Variants in BTBD2 observed in about 807,000 individuals in gnomAD.
BTBD2 encodes BTB/POZ domain-containing protein 2.
In BTBD2, 15 loss-of-function variants were observed where a neutral mutation model predicts 44.0. That is an observed-to-expected ratio of 0.34 (90% confidence interval 0.23 to 0.53). The LOEUF (loss-of-function observed/expected upper bound fraction) is 0.53. BTBD2 is among the 20% of genes least tolerant of loss of function. The probability of loss-of-function intolerance (pLI) is 0.95; values close to 1 mark genes in which losing one functional copy is unlikely to be tolerated. For missense variants in BTBD2, 657 were observed against 746.4 expected, an observed-to-expected ratio of 0.88 and a Z score of 1.39; for synonymous variants, 443 against 335.9, an observed-to-expected ratio of 1.32 and a Z score of -3.49.
chr19:1,992,970 G>GCC, intron 3 of BTBD2, 50 bp downstream of exon 3: 1 of 231,588 alleles, frequency 4.3e-6, no homozygotes. Flanking sequence ...CCCCGGCCCC[G>GCC]CCTCCAGCCA....
intron 1 of BTBD2, among the ~76,000 whole-genome samples, chr19:2,005,807 T>A (rs1482874578): frequency 6.6e-6 from 1 of 150,876 alleles, no homozygotes; most frequent in Non-Finnish European, 1.5e-5. Flanking sequence ...AATTATTTTT[T>A]AGCCAAAGCA....
chr19:1,990,452 C>T lies in BTBD2; in HGVS notation c.791-251G>A, dbSNP rs140719538. 1,261 of 611,882 alleles carry T rather than the reference C, an allele frequency of 2.1e-3. 6 individuals are homozygous for T. Among genetic ancestry groups the T allele is most frequent in the Non-Finnish European group, 2.3e-3 (796 of 348,328 alleles). The allele number at this position is 611,882 out of a possible 1,614,324, so 37.9% of individuals were successfully genotyped here. On this transcript the variant is annotated intron_variant, in intron 4 of 8. Transcript: ENST00000255608. The stretch of plus-strand genomic sequence containing the variant: ...TTGAGTAGCTTTGACAAAAGCTGTT[C>T]AACAGCAAAGTCAAAGCCATGGACC...
At chr19:2,009,789 G>C (rs1265152944) in intron 1 of BTBD2, among the ~76,000 whole-genome samples, 1 of 152,148 alleles carries the variant, frequency 6.6e-6, no homozygotes, top group Non-Finnish European at 1.5e-5. Flanking sequence ...GCTGAAGGCT[G>C]CAGCATGCGG....
chr19:2,014,923 G>A (rs2016513499), intron 1 of BTBD2, among the ~76,000 whole-genome samples: 1 of 151,528 alleles, frequency 6.6e-6, no homozygotes, highest in African/African-American at 2.4e-5. Flanking sequence ...TGCAGGCCTG[G>A]TGGGGTCTGG....
chr19:2,010,634 TC>T (rs910765921), intron 1 of BTBD2, among the ~76,000 whole-genome samples: 2 of 145,512 alleles, frequency 1.4e-5, no homozygotes, highest in African/African-American at 2.5e-5. Context: ...CGTCCCGACA[TC>T]CCCCCACCTT....
At chr19:2,000,517 C>G (rs936314540) in intron 1 of BTBD2, among the ~76,000 whole-genome samples, 3 of 152,192 alleles carry the variant, frequency 2.0e-5, no homozygotes, top group Admixed American at 1.3e-4. Flanking sequence ...GGCGGGTCCC[C>G]AGGCAGCTCT....
intron 2 of BTBD2, 61 bp from the exon 3 acceptor site, chr19:1,993,237 C>A (rs781038201): frequency 5.8e-6 from 9 of 1,539,466 alleles, no homozygotes; most frequent in Non-Finnish European, 6.1e-6. Flanking sequence ...CAGGGGAGAG[C>A]GTCAGGGGAC....
intron 1 of BTBD2, among the ~76,000 whole-genome samples, chr19:2,008,207 T>C (rs1336141012): frequency 6.6e-6 from 1 of 152,068 alleles, no homozygotes; most frequent in Admixed American, 6.6e-5. Context: ...TTTCACTATG[T>C]TTGCCAGGCT....
intron 2 of BTBD2, among the ~76,000 whole-genome samples, chr19:1,995,790 C>T (rs1277977104): frequency 6.6e-6 from 1 of 151,918 alleles, no homozygotes; most frequent in Non-Finnish European, 1.5e-5. Flanking sequence ...GCGTCCGCCA[C>T]CATGCCCGGC....
chr19:2,015,241 C>A, intron 1 of BTBD2, 56 bp downstream of exon 1: 1 of 1,482,464 alleles, frequency 6.7e-7, no homozygotes, highest in East Asian at 2.7e-5. Context: ...AGGTGCAGGG[C>A]CCGGGCAGCA....
intron 1 of BTBD2, among the ~76,000 whole-genome samples, chr19:2,000,727 A>G (rs115163609): frequency 0.025 from 3,877 of 152,170 alleles, 187 homozygotes; most frequent in African/African-American, 0.086. Flanking sequence ...ACACGGCCAC[A>G]CAAAAACACA....
chr19:1,990,309 A>C, intron 4 of BTBD2, 108 bp from the exon 5 acceptor site: 2 of 1,273,796 alleles, frequency 1.6e-6, no homozygotes, highest in Non-Finnish European at 2.2e-6. Context: ...GCTGGCAACT[A>C]TGGCCCGTGG....
intron 5 of BTBD2, chr19:1,988,559 A>T (rs2016126382): frequency 6.7e-6 from 1 of 148,190 alleles, no homozygotes; most frequent in African/African-American, 2.6e-5. Flanking sequence ...TCAATAAACA[A>T]TGTTAACAAT....
chr19:2,015,653 C>T lies in BTBD2; in HGVS notation c.51G>A (p.Gly17=). The change falls in exon 1 of 9, where the codon GGG becomes GGA. Residue 17 remains glycine, a synonymous_variant. Coordinates refer to ENST00000255608, the MANE Select transcript of BTBD2 (RefSeq NM_017797.4). ...GGRASCPPGV[G]VGPGTGGSPG... is the part of the protein sequence containing the mutation. The stretch of plus-strand genomic sequence containing the variant: ...GACTGCCCCCCGTGCCCGGGCCGAC[C>T]CCGACCCCCGGCGGGCACGACGCAC... 4.0e-6 allele frequency: 4 copies of T among 1,000,986 alleles called. No homozygotes were observed. Among genetic ancestry groups the T allele is most frequent in the Non-Finnish European group, 4.7e-6 (4 of 842,894 alleles). The allele number at this position is 1,000,986 out of a possible 1,614,324, so 62.0% of individuals were successfully genotyped here. A position where few individuals can be genotyped will look rare whatever the true frequency, so the allele number is the denominator to read the frequency against.
At chr19:2,000,533 T>G (rs1390172382) in intron 1 of BTBD2, among the ~76,000 whole-genome samples, 1 of 151,670 alleles carries the variant, frequency 6.6e-6, no homozygotes, top group African/African-American at 2.4e-5. Flanking sequence ...GCTCTGCCGG[T>G]CCCCAAGGCA....
At chr19:1,993,995 CAAAAAAAAAAAAAAAAA>C (rs542137742) in intron 2 of BTBD2, among the ~76,000 whole-genome samples, 1,393 of 24,986 alleles carry the variant, frequency 0.056, 30 homozygotes, top group Non-Finnish European at 0.068. Context: ...GAATCCGTCT[CAAAAAAAAAAAAAAAAA>C]AAAAAAAAAA....
At position 1,990,726 on chromosome 19, in the gene BTBD2, T is replaced by C. The variant is rs1423572080; in HGVS notation, c.781A>G (p.Ile261Val). 1.2e-6 allele frequency: 2 copies of C among 1,600,754 alleles called. No individual in the cohort carries two copies. Among genetic ancestry groups the C allele is most frequent in the Non-Finnish European group, 1.7e-6 (2 of 1,174,002 alleles). The change falls in exon 4 of 9, where the codon ATT (isoleucine) becomes GTT (valine). Residue 261 changes from isoleucine to valine, a missense_variant. Around this residue, in one of 3 missense-constraint regions of BTBD2, gnomAD observed 449 missense variants for 510.9 expected, o/e 0.88. Coordinates refer to ENST00000255608, the MANE Select transcript of BTBD2 (RefSeq NM_017797.4). ...DAITAEGFTDIDLDTLVAVLE... is the reference protein window; with the variant it reads ...DAITAEGFTDVDLDTLVAVLE... ...GCTCCTGGGCCCTTACCCAGGTCAA[T>C]GTCGGTGAAGCCCTCCGCGGTGATG...
chr19:1,997,314 TC>T, intron 2 of BTBD2, 29 bp downstream of exon 2: 1 of 1,613,338 alleles, frequency 6.2e-7, no homozygotes, highest in Non-Finnish European at 8.5e-7. Flanking sequence ...CAGGCCCAGC[TC>T]CCCAGCAGGA....
At chr19:1,996,995 C>T (rs1034515487) in intron 2 of BTBD2, among the ~76,000 whole-genome samples, 1 of 152,058 alleles carries the variant, frequency 6.6e-6, no homozygotes, top group African/African-American at 2.4e-5. Flanking sequence ...CTGACTAACA[C>T]AGTGAAACCC....
Sources: gnomAD v4.1 joint callset for allele counts (sites outside exome capture counted in the v4.1 genomes callset) on GRCh38, gnomAD v4.1.1 for gene constraint, gnomAD v4.1.1 regional missense constraint, MANE v1.5 for transcripts, NCBI Gene and HGNC (gene_info 2026-07-23, HGNC 2026-07-21) for gene names.